Variants in OPCML observed in about 807,000 individuals in gnomAD.
The protein encoded by OPCML is opioid binding protein/cell adhesion molecule like.
A neutral mutation model predicts 37.8 loss-of-function variants in OPCML; 13 were observed. That is an observed-to-expected ratio of 0.34 (90% CI 0.22 to 0.55). The LOEUF (loss-of-function observed/expected upper bound fraction) is 0.55, where lower values mean the gene tolerates loss of function less well. Among genes scored for constraint, OPCML ranks in the 20% least tolerant of loss-of-function variants. The pLI, the probability that OPCML is intolerant of heterozygous loss-of-function variation, is 0.91. For missense variants in OPCML, 341 were observed against 435.6 expected (o/e 0.78, Z 1.93); for synonymous variants, 176 against 168.8 (o/e 1.04, Z -0.33).
intron 4 of OPCML, among the ~76,000 whole-genome samples, chr11:132,478,588 T>C (rs1244906530): frequency 2.6e-5 from 4 of 152,140 alleles, no homozygotes; most frequent in South Asian, 2.1e-4. Flanking sequence ...AAAACAAAAA[T>C]ACAGATGTTC....
chr11:133,034,221 T>A (rs1947726671), intron 1 of OPCML, among the ~76,000 whole-genome samples: 1 of 152,004 alleles, frequency 6.6e-6, no homozygotes, highest in Non-Finnish European at 1.5e-5. Flanking sequence ...TACTTCTCTA[T>A]GGGGCAGTAG....
At chr11:132,717,574 G>C (rs1944537326) in intron 2 of OPCML, among the ~76,000 whole-genome samples, 1 of 151,880 alleles carries the variant, frequency 6.6e-6, no homozygotes, top group African/African-American at 2.4e-5. Context: ...AGAAATGTTT[G>C]GTTTCTTCTC....
intron 1 of OPCML, among the ~76,000 whole-genome samples, chr11:133,350,143 G>A (rs1944099701): frequency 6.6e-6 from 1 of 152,104 alleles, no homozygotes. Context: ...CCTCTAAAAG[G>A]GACAGCCCCC....
chr11:132,694,157 T>C (rs1248116661), intron 2 of OPCML, among the ~76,000 whole-genome samples: 1 of 145,226 alleles, frequency 6.9e-6, no homozygotes, highest in African/African-American at 2.5e-5. Flanking sequence ...AGAAAAAGAG[T>C]TTCGTTCTGT....
intron 3 of OPCML, among the ~76,000 whole-genome samples, chr11:132,537,051 C>G (rs1250548927): frequency 6.6e-6 from 1 of 152,184 alleles, no homozygotes; most frequent in Non-Finnish European, 1.5e-5. Flanking sequence ...GGTCTTTCAG[C>G]AACAAGTTGG....
intron 1 of OPCML, among the ~76,000 whole-genome samples, chr11:133,229,765 C>A (rs1940196545): frequency 6.6e-6 from 1 of 152,184 alleles, no homozygotes; most frequent in African/African-American, 2.4e-5. Flanking sequence ...GGGGGAACTG[C>A]TGGACAAGTT....
At position 133,355,284 on chromosome 11, in the gene OPCML, C is replaced by T. The variant is rs540467458; in HGVS notation, c.61+176980G>A. 6.6e-5 allele frequency among the ~76,000 whole-genome samples: 10 copies of T among 152,316 alleles called. No individual in the cohort carries two copies. In the East Asian group the frequency reaches 1.9e-3, roughly 29 times the overall value. On this transcript the variant is annotated intron_variant, in intron 1 of 7. Transcript: ENST00000524381. ...AACGAGGTCTCTGTTGCAGCTCATC[C>T]TCCTAGCACTTCCTGTTTCTCAGTT... is the stretch of plus-strand genomic sequence containing the variant.
chr11:132,573,901 T>C (rs555449680), intron 3 of OPCML, among the ~76,000 whole-genome samples: 1 of 152,156 alleles, frequency 6.6e-6, no homozygotes, highest in East Asian at 1.9e-4. Context: ...TGGTTCAATC[T>C]TCATACTAGT....
intron 1 of OPCML, among the ~76,000 whole-genome samples, chr11:133,069,039 A>C (rs1366380594): frequency 6.6e-6 from 1 of 152,222 alleles, no homozygotes; most frequent in Non-Finnish European, 1.5e-5. Context: ...TAACATCTTA[A>C]ATTGTAGAAG....
At chr11:132,506,413 G>A (rs2096256893) in intron 4 of OPCML, among the ~76,000 whole-genome samples, 1 of 152,132 alleles carries the variant, frequency 6.6e-6, no homozygotes, top group Admixed American at 6.6e-5. Context: ...ATGAAGCAAA[G>A]GGAAAAGCTA....
chr11:132,752,438 A>T (rs1296703404), intron 2 of OPCML, among the ~76,000 whole-genome samples: 1 of 152,132 alleles, frequency 6.6e-6, no homozygotes, highest in African/African-American at 2.4e-5. Flanking sequence ...ATGCAGAGTG[A>T]TTTGCATGCC....
chr11:132,613,275 G>A (rs1481363673), intron 3 of OPCML, among the ~76,000 whole-genome samples: 5 of 152,180 alleles, frequency 3.3e-5, no homozygotes, highest in Admixed American at 3.3e-4. Context: ...ACCTTTGCCG[G>A]TGTACAACAG....
chr11:132,945,914 C>T (rs1264620281), intron 1 of OPCML, among the ~76,000 whole-genome samples: 1 of 152,120 alleles, frequency 6.6e-6, no homozygotes, highest in East Asian at 1.9e-4. Flanking sequence ...TCCCAAGTAG[C>T]TGGGACTACA....
At chr11:132,455,762 A>AATTCATTCATTCATTC (rs61139767) in intron 4 of OPCML, among the ~76,000 whole-genome samples, 220 of 150,548 alleles carry the variant, frequency 1.5e-3, no homozygotes, top group East Asian at 6.3e-3. Flanking sequence ...TTCTTTGTCA[A>AATTCATTCATTCATTC]ATTCATTCAT....
intron 2 of OPCML, among the ~76,000 whole-genome samples, chr11:132,917,840 T>C (rs6590663): frequency 0.25 from 37,261 of 152,010 alleles, 7,938 homozygotes; most frequent in African/African-American, 0.57. Context: ...AGGGCCTACT[T>C]GGATCATTTC....
Position 132,625,450 on chromosome 11 carries a change from T to C in OPCML, c.379+31637A>G, listed in dbSNP as rs1426477254. Among the ~76,000 whole-genome samples the C allele has an allele frequency of 2.6e-5, 4 of 152,184 alleles. No homozygotes were observed. In the South Asian group the frequency reaches 8.3e-4, roughly 32 times the overall value. On this transcript the variant is annotated intron_variant, in intron 3 of 7. Transcript: ENST00000524381. ...AATATCCGCCATGTTATACAGCCTC[T>C]AAGTCACCACCATAATCTCCAGCAT...
intron 1 of OPCML, among the ~76,000 whole-genome samples, chr11:133,332,609 T>A (rs916868539): frequency 6.6e-6 from 1 of 152,140 alleles, no homozygotes; most frequent in African/African-American, 2.4e-5. Context: ...TATTTTGAGG[T>A]CTGTTTCTTT....
intron 4 of OPCML, 124 bp from the exon 5 acceptor site, chr11:132,437,483 A>T: frequency 6.7e-7 from 1 of 1,498,780 alleles, no homozygotes; most frequent in Non-Finnish European, 8.8e-7. Flanking sequence ...GTAGGACATC[A>T]AGTCAAAGAC....
At chr11:132,832,507 C>A (rs1940754286) in intron 2 of OPCML, among the ~76,000 whole-genome samples, 1 of 152,156 alleles carries the variant, frequency 6.6e-6, no homozygotes, top group Non-Finnish European at 1.5e-5. Flanking sequence ...AACTTACATG[C>A]ACACACATAC....
Sources: allele counts gnomAD v4.1 joint callset (sites outside exome capture counted in the v4.1 genomes callset), GRCh38; gene constraint gnomAD v4.1.1; transcripts MANE v1.5; gene names NCBI Gene and HGNC (gene_info 2026-07-23, HGNC 2026-07-21).